The following HDAC4 variants were observed in gnomAD, a reference collection of about 807,000 sequenced individuals.
The protein encoded by HDAC4 is histone deacetylase A.
A neutral mutation model predicts 135.1 loss-of-function variants in HDAC4; 16 were observed. That is an observed-to-expected ratio of 0.12 (90% CI 0.08 to 0.18). The LOEUF (loss-of-function observed/expected upper bound fraction) is 0.18, where lower values mean the gene tolerates loss of function less well. Ranked by LOEUF, HDAC4 falls within the 10% of genes least tolerant of loss-of-function variation. The pLI is 1.00. For missense variants in HDAC4, 1,143 were observed against 1,511.8 expected (o/e 0.76, Z 4.05); for synonymous variants, 685 against 653.4 (o/e 1.05, Z -0.74).
At chr2:239,203,330 C>T (rs572754224) in intron 3 of HDAC4, among the ~76,000 whole-genome samples, 327 of 152,326 alleles carry the variant, frequency 2.1e-3, no homozygotes, top group Non-Finnish European at 3.7e-3. Flanking sequence ...CTAGCAAAAT[C>T]AGTGTCAGCT....
At chr2:239,057,713 G>A (rs1360575894) in intron 24 of HDAC4, among the ~76,000 whole-genome samples, 5 of 152,176 alleles carry the variant, frequency 3.3e-5, no homozygotes, top group Admixed American at 1.3e-4. Context: ...CCTCACAAAC[G>A]CGAGCTGGGG....
At chr2:239,169,222 T>C (rs1240391847) in intron 5 of HDAC4, among the ~76,000 whole-genome samples, 1 of 152,206 alleles carries the variant, frequency 6.6e-6, no homozygotes, top group East Asian at 1.9e-4. Flanking sequence ...GCAACTATTT[T>C]CCCTACTCCA....
intron 1 of HDAC4, among the ~76,000 whole-genome samples, chr2:239,394,363 G>C (rs1236584124): frequency 6.6e-6 from 1 of 152,162 alleles, no homozygotes; most frequent in Non-Finnish European, 1.5e-5. Context: ...TAAATAAGAA[G>C]TGATTAAATA....
rs77909654 is a variant in HDAC4 at position 239,258,480 on chromosome 2, A to T, written c.23-21816T>A. ...GGTGATTTCTCAACGGAAACACGTA[A>T]ACCAGAAAACAGTAATATCTTTCAC... On this transcript the variant is annotated intron_variant, in intron 2 of 26. Transcript: ENST00000543185. Among the ~76,000 whole-genome samples the T allele has an allele frequency of 6.6e-3, 999 of 152,348 alleles. 19 individuals carry two copies. The East Asian group carries it at 0.075, about 11-fold the overall frequency.
intron 2 of HDAC4, among the ~76,000 whole-genome samples, chr2:239,347,936 G>A (rs1241609906): frequency 6.7e-6 from 1 of 149,536 alleles, no homozygotes; most frequent in Non-Finnish European, 1.5e-5. Context: ...CATCATCCCG[G>A]TGACCATAGA....
At chr2:239,263,368 C>T (rs2049504688) in intron 2 of HDAC4, among the ~76,000 whole-genome samples, 1 of 149,488 alleles carries the variant, frequency 6.7e-6, no homozygotes, top group African/African-American at 2.5e-5. Context: ...GAAGCCCGCC[C>T]AGTCCCCTGC....
chr2:239,336,714 C>G (rs957826679), intron 2 of HDAC4, among the ~76,000 whole-genome samples: 1 of 152,260 alleles, frequency 6.6e-6, no homozygotes, highest in African/African-American at 2.4e-5. Flanking sequence ...CCAATACCAC[C>G]TGCACATTCC....
chr2:239,392,765 C>A (rs535468703), intron 1 of HDAC4, among the ~76,000 whole-genome samples: 1 of 152,340 alleles, frequency 6.6e-6, no homozygotes, highest in South Asian at 2.1e-4. Context: ...GACTGAGGCT[C>A]AGGGGCCCTT....
chr2:239,155,216 G>A (rs578090332), intron 7 of HDAC4, among the ~76,000 whole-genome samples: 57 of 151,070 alleles, frequency 3.8e-4, no homozygotes, highest in Admixed American at 1.1e-3. Context: ...GGACACCACC[G>A]CCTCAATAAA....
intron 3 of HDAC4, among the ~76,000 whole-genome samples, chr2:239,231,467 G>T (rs2047552292): frequency 6.6e-6 from 1 of 152,162 alleles, no homozygotes; most frequent in Non-Finnish European, 1.5e-5. Flanking sequence ...AGGAGCAGTG[G>T]GGGGCACAGG....
intron 6 of HDAC4, chr2:239,162,112 C>G (rs970946787): frequency 4.4e-6 from 2 of 456,758 alleles, no homozygotes; most frequent in Admixed American, 4.7e-5. Context: ...TCACCGTGAC[C>G]CCTGCTTCCC....
At chr2:239,158,552 C>T (rs574504153) in intron 6 of HDAC4, among the ~76,000 whole-genome samples, 1 of 152,196 alleles carries the variant, frequency 6.6e-6, no homozygotes, top group East Asian at 1.9e-4. Context: ...CCTGTCAAAC[C>T]TTAAAACGAG....
Position 239,106,851 on chromosome 2 carries a change from T to C in HDAC4, c.2112+1199A>G, listed in dbSNP as rs146299577. ...CTCACTCATCTCTGCCACAGCCACTTGGGCCCTGGGCTGTCGGGTGTCCAG... is the reference window on the plus strand; with the variant it reads ...CTCACTCATCTCTGCCACAGCCACTCGGGCCCTGGGCTGTCGGGTGTCCAG... On this transcript the variant is annotated intron_variant, in intron 15 of 26. Transcript: ENST00000543185. Among the ~76,000 whole-genome samples the C allele has an allele frequency of 7.8e-3, 1,190 of 152,240 alleles. 15 individuals are homozygous for C. The highest frequency in any genetic ancestry group is 0.026 in the African/African-American group (1,099 of 41,532).
intron 5 of HDAC4, among the ~76,000 whole-genome samples, chr2:239,171,135 A>G (rs893553349): frequency 3.3e-5 from 5 of 151,400 alleles, no homozygotes; most frequent in Non-Finnish European, 4.4e-5. Flanking sequence ...ATGCAACCTA[A>G]AATATCCAAC....
intron 1 of HDAC4, among the ~76,000 whole-genome samples, chr2:239,379,186 G>C (rs959178378): frequency 1.3e-5 from 2 of 152,080 alleles, no homozygotes; most frequent in Non-Finnish European, 1.5e-5. Flanking sequence ...GCTGTTCCTC[G>C]GAGGACAGAG....
chr2:239,197,339 G>A (rs986364575), intron 3 of HDAC4, among the ~76,000 whole-genome samples: 14 of 152,176 alleles, frequency 9.2e-5, no homozygotes, highest in Non-Finnish European at 1.6e-4. Context: ...AGTGTGACTC[G>A]ATGTCTCTCT....
chr2:239,197,398 G>A (rs541892196), intron 3 of HDAC4, among the ~76,000 whole-genome samples: 4 of 152,150 alleles, frequency 2.6e-5, no homozygotes, highest in East Asian at 3.9e-4. Flanking sequence ...CCGAAATTTC[G>A]AAGCCGTGTG....
intron 12 of HDAC4, among the ~76,000 whole-genome samples, chr2:239,120,761 G>T (rs2039612916): frequency 6.6e-6 from 1 of 151,960 alleles, no homozygotes. Flanking sequence ...GGATAAAAGT[G>T]ATGGAGGGCA....
chr2:239,102,220 G>A (rs1216383511), intron 16 of HDAC4, among the ~76,000 whole-genome samples: 4 of 152,192 alleles, frequency 2.6e-5, no homozygotes, highest in African/African-American at 7.2e-5. Flanking sequence ...GGAGCTGGCT[G>A]GGAGTTCACC....
Sources: gnomAD v4.1 joint callset for allele counts (sites outside exome capture counted in the v4.1 genomes callset) on GRCh38, gnomAD v4.1.1 for gene constraint, MANE v1.5 for transcripts, NCBI Gene and HGNC (gene_info 2026-07-23, HGNC 2026-07-21) for gene names.